The following NF1 variants were observed in gnomAD, a reference collection of about 807,000 sequenced individuals.
NF1 encodes neurofibromin.
Under a neutral mutation model 325.7 loss-of-function variants are expected in NF1, and 122 were observed. The ratio of observed to expected loss-of-function variants is 0.37; its 90% CI spans 0.32 to 0.44. The LOEUF (loss-of-function observed/expected upper bound fraction) is 0.44. Ranked by LOEUF, NF1 falls within the 20% of genes least tolerant of loss-of-function variation. The pLI, the probability that NF1 is intolerant of heterozygous loss-of-function variation, is 1.00. For synonymous variants in NF1, 1,091 were observed against 1,186.0 expected (o/e 0.92, Z 1.65); for missense variants, 2,140 against 3,415.4 (o/e 0.63, Z 9.31).
intron 8 of NF1, among the ~76,000 whole-genome samples, chr17:31,184,234 G>A (rs2066190170): frequency 1.3e-5 from 2 of 152,160 alleles, no homozygotes; most frequent in Admixed American, 6.5e-5. Context: ...CTGATTCACC[G>A]CTAATGAGAG....
At chr17:31,212,141 C>G (rs2066738859) in intron 12 of NF1, among the ~76,000 whole-genome samples, 2 of 152,022 alleles carry the variant, frequency 1.3e-5, no homozygotes, top group South Asian at 4.1e-4. Context: ...TGAAAATGTT[C>G]TATTTTAATT....
intron 36 of NF1, among the ~76,000 whole-genome samples, chr17:31,308,539 T>A (rs1022587376): frequency 8.5e-5 from 13 of 152,200 alleles, no homozygotes; most frequent in African/African-American, 3.1e-4. Flanking sequence ...TCCAGCCAAA[T>A]GCATCCCTTT....
intron 1 of NF1, among the ~76,000 whole-genome samples, chr17:31,131,831 T>C (rs1432756265): frequency 2.0e-5 from 3 of 150,756 alleles, no homozygotes; most frequent in African/African-American, 4.8e-5. Flanking sequence ...GGGGAGTTTA[T>C]ATAATCTATT....
intron 5 of NF1, among the ~76,000 whole-genome samples, chr17:31,170,208 G>C (rs1242821589): frequency 6.6e-6 from 1 of 152,038 alleles, no homozygotes; most frequent in Non-Finnish European, 1.5e-5. Context: ...TTTAAATCTT[G>C]GCAATGGAAA....
In NF1 at chr17:31,229,073, G is replaced by A. The variant is rs761408020; in HGVS notation, c.2458G>A (p.Val820Met). 3 of 1,611,900 alleles carry A rather than the reference G, an allele frequency of 1.9e-6. No individual in the cohort carries two copies. Among genetic ancestry groups the A allele is most frequent in the Non-Finnish European group, 2.5e-6 (3 of 1,179,758 alleles). ...KTIVKRRMSHVSGGGSIDLSD... is the reference protein window; with the variant it reads ...KTIVKRRMSHMSGGGSIDLSD... ...CATTGTTAAGAGGCGAATGTCCCATGTGAGTGGAGGAGGATCCATAGATTT... is the reference window on the plus strand; with the variant it reads ...CATTGTTAAGAGGCGAATGTCCCATATGAGTGGAGGAGGATCCATAGATTT... Residue 820 changes from valine (V) to methionine (M), a missense_variant, in exon 21 of 58, where the codon GTG becomes ATG. By Grantham distance (21) the Val-to-Met change is conservative. Around this residue, in one of 10 missense-constraint regions of NF1, gnomAD observed 380 missense variants for 639.3 expected, o/e 0.59. Transcript: ENST00000358273.
At position 31,163,261 on chromosome 17, in the gene NF1, C is replaced by A; in HGVS notation, c.364C>A (p.His122Asn). Residue 122 changes from histidine to asparagine, a missense_variant, in exon 4 of 58, where the codon CAC becomes AAC. Physicochemically the swap from His to Asn is moderately conservative, Grantham distance 68. Transcript: ENST00000358273. ...QLLPEICHFL[H>N]TCREGNQHAA... The stretch of plus-strand genomic sequence containing the variant: ...GCTGCCAGAAATCTGCCATTTTCTT[C>A]ACACCTGTCGTGAAGGAAACCAGCA... 1 of 1,614,172 alleles carries A rather than the reference C, an allele frequency of 6.2e-7. No individual in the cohort carries two copies. The highest frequency in any genetic ancestry group is 8.5e-7 in the Non-Finnish European group (1 of 1,180,030).
intron 1 of NF1, among the ~76,000 whole-genome samples, chr17:31,126,214 T>G (rs1465839024): frequency 6.6e-6 from 1 of 152,070 alleles, no homozygotes; most frequent in East Asian, 1.9e-4. Flanking sequence ...AAATTATGTA[T>G]CTGGTGGGTA....
chr17:31,180,187 C>T (rs926068705), intron 5 of NF1, among the ~76,000 whole-genome samples: 2 of 152,196 alleles, frequency 1.3e-5, no homozygotes, highest in African/African-American at 4.8e-5. Context: ...GGTACCATTC[C>T]TTCTGAAACT....
intron 1 of NF1, among the ~76,000 whole-genome samples, chr17:31,103,352 C>CA (rs1912538251): frequency 1.3e-5 from 2 of 152,276 alleles, no homozygotes; most frequent in Admixed American, 6.5e-5. Context: ...AAGTGATTCT[C>CA]CTGCCTCAGC....
chr17:31,120,985 A>T (rs969294334), intron 1 of NF1, among the ~76,000 whole-genome samples: 1 of 152,228 alleles, frequency 6.6e-6, no homozygotes, highest in Non-Finnish European at 1.5e-5. Context: ...TTAATAAAAC[A>T]CTAAATTAAA....
intron 48 of NF1, among the ~76,000 whole-genome samples, chr17:31,344,238 G>A (rs2069909484): frequency 6.6e-6 from 1 of 151,898 alleles, no homozygotes; most frequent in African/African-American, 2.4e-5. Context: ...TTTCTATATT[G>A]CTTATAGCCA....
chr17:31,129,371 T>A (rs950646535), intron 1 of NF1, among the ~76,000 whole-genome samples: 10 of 152,190 alleles, frequency 6.6e-5, no homozygotes, highest in Admixed American at 5.2e-4. Context: ...GTCTTCTTAT[T>A]TCAGAAAGCC....
chr17:31,374,344 C>G lies in NF1; in HGVS notation c.*189C>G, dbSNP rs2070701581. Reference sequence around the variant, plus strand: ...TTGCCTAAATTTAATGCTGCCTTTTCTTTAACTTTTTTTCTTCTACTTTTG... The same window carrying G: ...TTGCCTAAATTTAATGCTGCCTTTTGTTTAACTTTTTTTCTTCTACTTTTG... On this transcript the variant is annotated 3_prime_UTR_variant, in exon 58 of 58. Transcript: ENST00000358273. 1 of 721,618 alleles carries G rather than the reference C, an allele frequency of 1.4e-6. No homozygotes were observed. Among genetic ancestry groups the G allele is most frequent in the Non-Finnish European group, 2.3e-6 (1 of 431,658 alleles). 44.7% of individuals were successfully genotyped at this position (721,618 alleles called of 1,614,324 possible).
intron 31 of NF1, among the ~76,000 whole-genome samples, chr17:31,255,756 G>A (rs2067572720): frequency 6.6e-6 from 1 of 152,066 alleles, no homozygotes; most frequent in African/African-American, 2.4e-5. Context: ...AAACTTCTTT[G>A]TCCTAGAGAA....
rs141445486 is a variant in NF1 at position 31,098,488 on chromosome 17, C to T, written c.60+3119C>T. Among the ~76,000 whole-genome samples the T allele has an allele frequency of 6.7e-3, 1,023 of 152,186 alleles. 16 individuals carry two copies. The highest frequency in any genetic ancestry group is 0.023 in the African/African-American group (958 of 41,514). Reference sequence around the variant, plus strand: ...CAAGTGATTCTCCTGCCTCAGCCTCCCAAGTGGCTGGGATTACAGGCGCCT... The same window carrying T: ...CAAGTGATTCTCCTGCCTCAGCCTCTCAAGTGGCTGGGATTACAGGCGCCT... On this transcript the variant is annotated intron_variant, in intron 1 of 57. Coordinates refer to ENST00000358273, the MANE Select transcript of NF1 (RefSeq NM_001042492.3).
chr17:31,168,736 C>G (rs1180394005), intron 4 of NF1, among the ~76,000 whole-genome samples: 1 of 152,126 alleles, frequency 6.6e-6, no homozygotes, highest in Non-Finnish European at 1.5e-5. Context: ...ATGTTATGAT[C>G]AGTGATTGGA....
chr17:31,267,575 G>C (rs1305721754), intron 36 of NF1, among the ~76,000 whole-genome samples: 5 of 152,106 alleles, frequency 3.3e-5, no homozygotes, highest in African/African-American at 1.2e-4. Flanking sequence ...TGAAGGTCTT[G>C]TCTGTCTGTA....
chr17:31,354,794 C>T (rs2070232259), intron 51 of NF1, among the ~76,000 whole-genome samples: 1 of 151,994 alleles, frequency 6.6e-6, no homozygotes, highest in African/African-American at 2.4e-5. Flanking sequence ...TTGAGGCTGA[C>T]CTGGGCAGCA....
intron 1 of NF1, among the ~76,000 whole-genome samples, chr17:31,124,359 C>A (rs1211801286): frequency 6.6e-6 from 1 of 151,940 alleles, no homozygotes; most frequent in Admixed American, 6.6e-5. Context: ...ACCACCACTC[C>A]TGGCCTTGCA....
Sources: allele counts gnomAD v4.1 joint callset (sites outside exome capture counted in the v4.1 genomes callset), GRCh38; gene constraint gnomAD v4.1.1; regional missense constraint gnomAD v4.1.1; transcripts MANE v1.5; gene names NCBI Gene and HGNC (gene_info 2026-07-23, HGNC 2026-07-21).